S100G: variants seen among roughly 807,000 people sequenced by gnomAD.
The protein encoded by S100G is protein S100-G.
In S100G, 4 loss-of-function variants were observed where a neutral mutation model predicts 4.4. That is an observed-to-expected ratio of 0.91 (90% CI 0.45 to 2.09). The LOEUF is 2.09. Ranked by LOEUF, S100G falls within the 30% of genes most tolerant of loss-of-function variation. S100G has a pLI of 0.03. For missense variants in S100G, 48 were observed against 49.8 expected (o/e 0.96, Z 0.11); for synonymous variants, 24 against 20.1 (o/e 1.20, Z -0.53).
intron 2 of S100G, 56 bp downstream of exon 2, chrX:16,651,197 G>A (rs774114326): frequency 4.0e-6 from 4 of 994,657 alleles, no homozygotes; most frequent in Non-Finnish European, 5.7e-6. Context: ...AGGGGAGGGA[G>A]GGAGGGGAGA....
At chrX:16,653,632 G>A (rs1169332052) in intron 2 of S100G, among the ~76,000 whole-genome samples, 1 of 110,756 alleles carries the variant, frequency 9.0e-6, no homozygotes, top group Non-Finnish European at 1.9e-5. Flanking sequence ...CCCCACCCCA[G>A]GCCTAGTGAA....
chrX:16,653,193 G>A (rs1932732599), intron 2 of S100G, among the ~76,000 whole-genome samples: 1 of 110,939 alleles, frequency 9.0e-6, no homozygotes, highest in African/African-American at 3.3e-5. Context: ...ATTTTGCACA[G>A]ATAGACTCCT....
chrX:16,652,947 G>C (rs185358960), intron 2 of S100G, among the ~76,000 whole-genome samples: 26 of 111,482 alleles, frequency 2.3e-4, no homozygotes, highest in African/African-American at 8.1e-4. Context: ...TTAAAGCAAA[G>C]TGCTAAGTGT....
At chrX:16,652,076 G>A (rs758747633) in intron 2 of S100G, among the ~76,000 whole-genome samples, 4 of 111,472 alleles carry the variant, frequency 3.6e-5, no homozygotes, top group Non-Finnish European at 7.5e-5. Context: ...GGAGCTTCTG[G>A]CTAAATTGCC....
chrX:16,650,263 T>C (rs1420529061), intron 1 of S100G, 60 bp downstream of exon 1: 1 of 111,497 alleles, frequency 9.0e-6, no homozygotes, highest in Non-Finnish European at 1.9e-5. Flanking sequence ...CTCTGCTTCC[T>C]TTTAGAATGG....
chrX:16,651,959 AG>A (rs1386216668), intron 2 of S100G, among the ~76,000 whole-genome samples: 1 of 109,445 alleles, frequency 9.1e-6, no homozygotes, highest in Non-Finnish European at 1.9e-5. Flanking sequence ...TGCCATGGGG[AG>A]AGAGATTGGG....
At chrX:16,653,159 A>G (rs1016040788) in intron 2 of S100G, among the ~76,000 whole-genome samples, 1 of 110,972 alleles carries the variant, frequency 9.0e-6, no homozygotes, top group African/African-American at 3.3e-5. Context: ...CTGAACTGTT[A>G]TTTCAATCGG....
Position 16,651,041 on chromosome X carries a change from G to A in S100G, c.35G>A (p.Arg12Lys), listed in dbSNP as rs1259653281. The A allele has an allele frequency of 8.3e-7, 1 of 1,205,933 alleles. No homozygotes were observed. Residue 12 changes from arginine to lysine, a missense_variant, in exon 2 of 3, where the codon AGG becomes AAG. Transcript: ENST00000380200. Reference sequence around the variant, plus strand: ...AAAAAGTCTCCTGAGGAACTGAAGAGGATTTTTGAAAAATATGCAGCCAAA... The same window carrying A: ...AAAAAGTCTCCTGAGGAACTGAAGAAGATTTTTGAAAAATATGCAGCCAAA... Reference protein sequence around the residue: ...STKKSPEELKRIFEKYAAKEG... With the variant: ...STKKSPEELKKIFEKYAAKEG...
At chrX:16,653,783 C>T (rs951303408) in intron 2 of S100G, among the ~76,000 whole-genome samples, 6 of 112,160 alleles carry the variant, frequency 5.3e-5, no homozygotes, top group Non-Finnish European at 1.1e-4. Context: ...AAAAACTGGG[C>T]GGTGGTTAGT....
At chrX:16,654,379 C>T in intron 2 of S100G, 26 bp from the exon 3 acceptor site, 1 of 1,027,265 alleles carries the variant, frequency 9.7e-7, no homozygotes, top group Non-Finnish European at 1.3e-6. Context: ...CCCCTCCCTT[C>T]TCCCATCCTT....
intron 2 of S100G, among the ~76,000 whole-genome samples, chrX:16,654,060 G>A (rs1602206274): frequency 8.9e-6 from 1 of 112,023 alleles, no homozygotes; most frequent in Non-Finnish European, 1.9e-5. Context: ...TGTGTGCCGT[G>A]GGCAATCCAG....
At chrX:16,653,973 A>G (rs943495068) in intron 2 of S100G, among the ~76,000 whole-genome samples, 3 of 110,964 alleles carry the variant, frequency 2.7e-5, no homozygotes, top group Non-Finnish European at 5.7e-5. Context: ...GCCTCATGTA[A>G]TATGTCAGCC....
rs1002013075 is a variant in S100G at position 16,654,624 on chromosome X, T to C, written c.*115T>C. 6.7e-5 allele frequency: 27 copies of C among 401,650 alleles called. No homozygotes were observed. The Admixed American group carries it at 1.2e-3, about 18-fold the overall frequency. 33.1% of individuals were successfully genotyped at this position (401,650 alleles called of 1,213,427 possible). A position where few individuals can be genotyped will look rare whatever the true frequency, so the allele number is the denominator to read the frequency against. On this transcript the variant is annotated 3_prime_UTR_variant, in exon 3 of 3. Coordinates refer to ENST00000380200, the MANE Select transcript of S100G (RefSeq NM_004057.3). ...TTAATTCTTTGCAATTATAATAACC[T>C]GGCTGTGAGGTTCAGTTATTATTAA...
At chrX:16,652,326 A>T (rs1158680712) in intron 2 of S100G, among the ~76,000 whole-genome samples, 1 of 112,138 alleles carries the variant, frequency 8.9e-6, no homozygotes, top group African/African-American at 3.2e-5. Context: ...AAATATTTTA[A>T]CCAGCTCTCC....
intron 2 of S100G, among the ~76,000 whole-genome samples, chrX:16,653,137 G>A (rs1932728191): frequency 9.1e-6 from 1 of 110,439 alleles, no homozygotes; most frequent in African/African-American, 3.3e-5. Flanking sequence ...AGTCTAATTT[G>A]AAACTGACAA....
At chrX:16,650,943 A>G in intron 1 of S100G, 56 bp from the exon 2 acceptor site, 1 of 1,055,772 alleles carries the variant, frequency 9.5e-7, no homozygotes, top group South Asian at 2.1e-5. Flanking sequence ...GACAACCCTC[A>G]GCACAAAACT....
At chrX:16,650,970 G>T (rs900995588) in intron 1 of S100G, 29 bp from the exon 2 acceptor site, 2 of 1,177,994 alleles carry the variant, frequency 1.7e-6, no homozygotes, top group Non-Finnish European at 1.1e-6. Context: ...CAGCTTTTTG[G>T]TAAGTTTATT....
intron 1 of S100G, 136 bp from the exon 2 acceptor site, chrX:16,650,863 C>T (rs1225500007): frequency 9.5e-6 from 5 of 524,599 alleles, no homozygotes; most frequent in African/African-American, 2.4e-5. Context: ...ATTCCGACCC[C>T]GACATTCTCT....
chrX:16,652,845 A>G (rs1932709693), intron 2 of S100G, among the ~76,000 whole-genome samples: 1 of 111,818 alleles, frequency 8.9e-6, no homozygotes, highest in Admixed American at 9.6e-5. Context: ...ATCACCATGC[A>G]TGGTTTAGAA....
Sources: gnomAD v4.1 joint callset for allele counts (sites outside exome capture counted in the v4.1 genomes callset) on GRCh38, gnomAD v4.1.1 for gene constraint, MANE v1.5 for transcripts, NCBI Gene and HGNC (gene_info 2026-07-23, HGNC 2026-07-21) for gene names.